Variants in MEGF9 observed in about 807,000 individuals in gnomAD.
MEGF9 encodes multiple EGF like domains 9.
A neutral mutation model predicts 46.8 loss-of-function variants in MEGF9; 6 were observed. The observed-to-expected ratio is 0.13, with a 90% CI of 0.07 to 0.25. The LOEUF (loss-of-function observed/expected upper bound fraction) is 0.25, where lower values mean the gene tolerates loss of function less well. MEGF9 is among the 10% of genes least tolerant of loss of function. The pLI is 1.00. For synonymous variants in MEGF9, 302 were observed against 330.7 expected (o/e 0.91, Z 0.94); for missense variants, 683 against 792.4 (o/e 0.86, Z 1.66).
Position 120,714,326 on chromosome 9 carries a change from G to T in MEGF9, c.33C>A (p.Ser11Arg). The T allele has an allele frequency of 7.4e-7, 1 of 1,346,302 alleles. No individual in the cohort carries two copies. The highest frequency in any genetic ancestry group is 9.5e-7 in the Non-Finnish European group (1 of 1,047,312). The allele number at this position is 1,346,302 out of a possible 1,614,324, so 83.4% of individuals were successfully genotyped here. Residue 11 changes from serine to arginine, a missense_variant, in exon 1 of 6, where the codon AGC becomes AGA. Physicochemically the swap from Ser to Arg is moderately radical, Grantham distance 110. Transcript: ENST00000373930. MNGGAERAMRSLPSLGGLALL... is the reference protein window; with the variant it reads MNGGAERAMRRLPSLGGLALL... ...GGGCGAGGCCGCCCAGGCTCGGCAG[G>T]CTCCTCATGGCGCGCTCGGCTCCGC...
chr9:120,635,843 G>A (rs867089803), intron 2 of MEGF9, among the ~76,000 whole-genome samples: 36 of 152,246 alleles, frequency 2.4e-4, no homozygotes, highest in South Asian at 4.1e-4. Flanking sequence ...TCTGCCACTA[G>A]AAAGTGACGT....
intron 3 of MEGF9, among the ~76,000 whole-genome samples, chr9:120,615,217 C>G (rs986404639): frequency 6.0e-5 from 9 of 151,234 alleles, no homozygotes; most frequent in Admixed American, 4.6e-4. Flanking sequence ...CCAGCCTGGG[C>G]AACAAGAGTG....
intron 2 of MEGF9, among the ~76,000 whole-genome samples, chr9:120,656,452 C>A (rs140964649): frequency 4.7e-4 from 67 of 143,186 alleles, no homozygotes; most frequent in African/African-American, 1.7e-3. Flanking sequence ...GAGCCTCAGG[C>A]AGGAGAATGG....
chr9:120,656,530 G>A (rs2043677692), intron 2 of MEGF9, among the ~76,000 whole-genome samples: 1 of 123,356 alleles, frequency 8.1e-6, no homozygotes, highest in Non-Finnish European at 1.6e-5. Context: ...CTGAGAGACA[G>A]AGCGAGACTC....
At position 120,682,252 on chromosome 9, in the gene MEGF9, A is replaced by G. The variant is rs145185404; in HGVS notation, c.602-22677T>C. On this transcript the variant is annotated intron_variant, in intron 1 of 5. Transcript: ENST00000373930. ...ATTAAGGCTTAATCTTATAGGTAAT[A>G]TAACAGAAAGCATAAGAAGAAAATA... 1.6e-3 allele frequency among the ~76,000 whole-genome samples: 245 copies of G among 152,348 alleles called. 1 individual carries two copies. The highest frequency in any genetic ancestry group is 2.9e-3 in the Non-Finnish European group (200 of 68,024).
At chr9:120,614,191 T>C (rs1197990061) in intron 3 of MEGF9, among the ~76,000 whole-genome samples, 3 of 152,092 alleles carry the variant, frequency 2.0e-5, no homozygotes, top group Non-Finnish European at 4.4e-5. Flanking sequence ...GCCTGGCTAA[T>C]TTTTGTATTT....
chr9:120,654,995 T>A (rs1014590314), intron 2 of MEGF9, among the ~76,000 whole-genome samples: 37 of 152,296 alleles, frequency 2.4e-4, no homozygotes, highest in African/African-American at 8.4e-4. Context: ...TTAAGCTAAG[T>A]GTTATCAAAA....
rs1226088661 is a variant in MEGF9, at chr9:120,605,833, T to C, written c.1358-192A>G. Among the ~76,000 whole-genome samples, 1 of 152,202 alleles carries C rather than the reference T, an allele frequency of 6.6e-6. No homozygotes were observed. The highest frequency in any genetic ancestry group is 1.9e-4 in the East Asian group (1 of 5,198). On this transcript the variant is annotated intron_variant, in intron 5 of 5. Coordinates refer to ENST00000373930, the MANE Select transcript of MEGF9 (RefSeq NM_001080497.3). The surrounding 1 kb of genome is among the most constrained non-coding windows in gnomAD (Gnocchi z 4.0). ...GGGTAAGAATCAGGGTCTAGAAAGC[T>C]AGATTATTACATCTATGGCTGTTTT...
At chr9:120,667,961 G>T (rs1281301266) in intron 1 of MEGF9, among the ~76,000 whole-genome samples, 1 of 152,192 alleles carries the variant, frequency 6.6e-6, no homozygotes, top group Admixed American at 6.5e-5. Context: ...GGAGGCAGAG[G>T]TTGCAGTGAG....
intron 1 of MEGF9, 57 bp downstream of exon 1, chr9:120,713,701 A>G (rs2043963475): frequency 1.6e-5 from 20 of 1,261,688 alleles, no homozygotes; most frequent in Non-Finnish European, 1.9e-5. Flanking sequence ...GCCCAACCCT[A>G]GATTGCCGGG....
rs765277993 is a variant in MEGF9 at position 120,713,998 on chromosome 9, C to G, written c.361G>C (p.Gly121Arg). 3.6e-6 allele frequency: 5 copies of G among 1,381,840 alleles called. No individual in the cohort carries two copies. In the African/African-American group the frequency reaches 7.5e-5, roughly 21 times the overall value. The allele number at this position is 1,381,840 out of a possible 1,614,324, so 85.6% of individuals were successfully genotyped here. Residue 121 changes from glycine (G) to arginine (R), a missense_variant, in exon 1 of 6, where the codon GGC becomes CGC. By Grantham distance (125) the Gly-to-Arg change is moderately radical. Around this residue, in one of 2 missense-constraint regions of MEGF9, gnomAD observed 370 missense variants for 371.3 expected, o/e 1.00. Coordinates refer to ENST00000373930, the MANE Select transcript of MEGF9 (RefSeq NM_001080497.3). ...GCCGGAGGGGTGGTCGGCGAGGGGC[C>G]GAGCGGCGCCTGAAAGGTGGTGGAA... Reference protein sequence around the residue: ...PSSTTFQAPLGPSPTTPPAAE... With the variant: ...PSSTTFQAPLRPSPTTPPAAE...
intron 3 of MEGF9, among the ~76,000 whole-genome samples, chr9:120,612,816 T>C (rs1306393045): frequency 6.6e-6 from 1 of 151,802 alleles, no homozygotes; most frequent in African/African-American, 2.4e-5. Context: ...GTAGCAACTA[T>C]ACGCCAAGGA....
chr9:120,615,334 A>G (rs1358219886), intron 3 of MEGF9, among the ~76,000 whole-genome samples: 3 of 149,818 alleles, frequency 2.0e-5, no homozygotes, highest in Non-Finnish European at 3.0e-5. Flanking sequence ...CACACTTGTA[A>G]TCCTTTACTC....
intron 4 of MEGF9, among the ~76,000 whole-genome samples, chr9:120,608,296 C>T (rs924835122): frequency 1.3e-5 from 2 of 152,116 alleles, no homozygotes; most frequent in African/African-American, 4.8e-5. Flanking sequence ...AATTTTCCAG[C>T]TTATTGTAGG....
At position 120,605,206 on chromosome 9, in the gene MEGF9, T is replaced by G; in HGVS notation, c.1793A>C (p.His598Pro). ...NGQLTLTTPI[H>P]NYKA Reference sequence around the variant, plus strand: ...TCTAGCTCCTTAGGCTTTGTAGTTATGTATGGGCGTCGTCAGGGTCAGCTG... The same window carrying G: ...TCTAGCTCCTTAGGCTTTGTAGTTAGGTATGGGCGTCGTCAGGGTCAGCTG... The change falls in exon 6 of 6, where the codon CAT (histidine) becomes CCT (proline). Residue 598 changes from histidine to proline, a missense_variant. Coordinates refer to ENST00000373930, the MANE Select transcript of MEGF9 (RefSeq NM_001080497.3). This position sits in a 1 kb window ranked among gnomAD's most constrained non-coding sequence, Gnocchi z 4.0. 1 of 1,613,390 alleles carries G rather than the reference T, an allele frequency of 6.2e-7. No homozygotes were observed. The highest frequency in any genetic ancestry group is 8.5e-7 in the Non-Finnish European group (1 of 1,179,488).
chr9:120,678,113 T>C (rs1286503720), intron 1 of MEGF9, among the ~76,000 whole-genome samples: 2 of 152,232 alleles, frequency 1.3e-5, no homozygotes, highest in African/African-American at 4.8e-5. Flanking sequence ...TTGTTGCAAA[T>C]GACAGGATCT....
intron 2 of MEGF9, among the ~76,000 whole-genome samples, chr9:120,640,845 T>C (rs778347469): frequency 2.6e-5 from 4 of 151,130 alleles, no homozygotes; most frequent in African/African-American, 9.7e-5. Flanking sequence ...TTTTCAACCC[T>C]TTACCCCCCG....
At chr9:120,619,035 C>T (rs1221938097) in intron 3 of MEGF9, among the ~76,000 whole-genome samples, 2 of 151,844 alleles carry the variant, frequency 1.3e-5, no homozygotes, top group Admixed American at 6.6e-5. Context: ...TCTCATATTG[C>T]TATATATCAT....
chr9:120,652,164 ACACACACAC>A lies in MEGF9; in HGVS notation c.803+7201_803+7209del, dbSNP rs1564420767. ...CAAGCACACACACACACACACACAC[ACACACACAC>A]ACACACACAAAAAAAAAAAAAAAAA... On this transcript the variant is annotated intron_variant, in intron 2 of 5. Transcript: ENST00000373930. Among the ~76,000 whole-genome samples, 15 of 39,780 alleles carry A rather than the reference ACACACACAC, an allele frequency of 3.8e-4. 1 individual carries two copies. Among genetic ancestry groups the A allele is most frequent in the East Asian group, 5.8e-4 (1 of 1,726 alleles). The allele number at this position is 39,780 out of a possible 152,430, so 26.1% of individuals were successfully genotyped here.
Sources: allele counts gnomAD v4.1 joint callset (sites outside exome capture counted in the v4.1 genomes callset), GRCh38; gene constraint gnomAD v4.1.1; regional missense constraint gnomAD v4.1.1; non-coding constraint Gnocchi (gnomAD v3.1); transcripts MANE v1.5; gene names NCBI Gene and HGNC (gene_info 2026-07-23, HGNC 2026-07-21).